LRRC58: variants seen among roughly 807,000 people sequenced by gnomAD.
The protein encoded by LRRC58 is leucine rich repeat containing 58.
LRRC58 carries 18 observed loss-of-function variants against 30.6 expected under a neutral mutation model. That is an observed-to-expected ratio of 0.59 (90% confidence interval 0.41 to 0.87). The LOEUF is 0.87. Ranked by LOEUF, LRRC58 falls within the 40% of genes least tolerant of loss-of-function variation. The pLI, the probability that LRRC58 is intolerant of heterozygous loss-of-function variation, is 0.00. For missense variants in LRRC58, 420 were observed against 468.4 expected (o/e 0.90, Z 0.95); for synonymous variants, 221 against 206.0 (o/e 1.07, Z -0.62).
At chr3:120,343,868 G>A in intron 1 of LRRC58, among the ~76,000 whole-genome samples, 1 of 151,734 alleles carries the variant, frequency 6.6e-6, no homozygotes, top group Admixed American at 6.6e-5. Flanking sequence ...CGTCTCTACT[G>A]AAAATAAAAT....
Position 120,330,062 on chromosome 3 carries a change from T to C in LRRC58, c.*1138A>G, listed in dbSNP as rs1242564330. 1 of 152,098 alleles carries C rather than the reference T, an allele frequency of 6.6e-6. No individual in the cohort carries two copies. The highest frequency in any genetic ancestry group is 1.5e-5 in the Non-Finnish European group (1 of 67,948). The allele number at this position is 152,098 out of a possible 1,614,324, so 9.4% of individuals were successfully genotyped here. On this transcript the variant is annotated 3_prime_UTR_variant, in exon 4 of 4. Coordinates refer to ENST00000295628, the MANE Select transcript of LRRC58 (RefSeq NM_001099678.2). ...ACTGTTCCATTAGGTATAAGGACAATGACTCCTTTTCTCCATTTTTATTTG... is the reference window on the plus strand; with the variant it reads ...ACTGTTCCATTAGGTATAAGGACAACGACTCCTTTTCTCCATTTTTATTTG...
Position 120,325,822 on chromosome 3 carries a change from A to G in LRRC58, c.*5378T>C, listed in dbSNP as rs1216314951. 8 of 152,232 alleles carry G rather than the reference A, an allele frequency of 5.3e-5. No homozygotes were observed. Among genetic ancestry groups the G allele is most frequent in the Admixed American group, 5.2e-4 (8 of 15,280 alleles). The allele number at this position is 152,232 out of a possible 1,614,324, so 9.4% of individuals were successfully genotyped here. ...GCACCAGATAAATTTTTTAAATAAT[A>G]TATAACAGAACATATCTTTTCAGTG... On this transcript the variant is annotated 3_prime_UTR_variant, in exon 4 of 4. Coordinates refer to ENST00000295628, the MANE Select transcript of LRRC58 (RefSeq NM_001099678.2).
intron 1 of LRRC58, among the ~76,000 whole-genome samples, chr3:120,337,542 T>A (rs1241640090): frequency 6.6e-6 from 1 of 152,196 alleles, no homozygotes; most frequent in Non-Finnish European, 1.5e-5. Flanking sequence ...ATAACTTTGT[T>A]CCTTTGTGGC....
At chr3:120,333,498 A>G (rs1157527513) in intron 3 of LRRC58, among the ~76,000 whole-genome samples, 2 of 152,164 alleles carry the variant, frequency 1.3e-5, no homozygotes, top group Non-Finnish European at 2.9e-5. Context: ...TCTTTTTTAA[A>G]CTCAAAGTGT....
intron 1 of LRRC58, among the ~76,000 whole-genome samples, chr3:120,346,125 C>T (rs1462912224): frequency 6.6e-6 from 1 of 152,100 alleles, no homozygotes; most frequent in African/African-American, 2.4e-5. Context: ...GGCGTGATGG[C>T]ACGCTCCTGT....
intron 1 of LRRC58, among the ~76,000 whole-genome samples, chr3:120,339,314 C>A (rs1935874163): frequency 6.6e-6 from 1 of 152,176 alleles, no homozygotes; most frequent in African/African-American, 2.4e-5. Flanking sequence ...ATATCATCTT[C>A]TAGAATTAGT....
Position 120,328,639 on chromosome 3 carries a change from C to T in LRRC58, c.*2561G>A, listed in dbSNP as rs562919096. 6.6e-6 allele frequency: 1 copy of T among 152,222 alleles called. No individual in the cohort carries two copies. Among genetic ancestry groups the T allele is most frequent in the Admixed American group, 6.5e-5 (1 of 15,286 alleles). The allele number at this position is 152,222 out of a possible 1,614,324, so 9.4% of individuals were successfully genotyped here. Reference sequence around the variant, plus strand: ...TTTAAATGCATAGTTAGCTACATGACTTGGGAGCTGATTATCTGGTTTCTA... The same window carrying T: ...TTTAAATGCATAGTTAGCTACATGATTTGGGAGCTGATTATCTGGTTTCTA... On this transcript the variant is annotated 3_prime_UTR_variant, in exon 4 of 4. Transcript: ENST00000295628.
intron 1 of LRRC58, among the ~76,000 whole-genome samples, chr3:120,340,626 C>G (rs1192920697): frequency 6.6e-6 from 1 of 152,122 alleles, no homozygotes; most frequent in Non-Finnish European, 1.5e-5. Flanking sequence ...CTAATCCCAG[C>G]ACTTTGGGAG....
In LRRC58 at chr3:120,349,351, A is replaced by C; in HGVS notation, c.-108T>G. The C allele has an allele frequency of 1.7e-6, 2 of 1,189,772 alleles. No individual in the cohort carries two copies. Among genetic ancestry groups the C allele is most frequent in the East Asian group, 3.2e-5 (1 of 31,210 alleles). The allele number at this position is 1,189,772 out of a possible 1,614,324, so 73.7% of individuals were successfully genotyped here. A position where few individuals can be genotyped will look rare whatever the true frequency, so the allele number is the denominator to read the frequency against. On this transcript the variant is annotated 5_prime_UTR_variant, in exon 1 of 4. Coordinates refer to ENST00000295628, the MANE Select transcript of LRRC58 (RefSeq NM_001099678.2). ...GAACCTGAACCGAGGGCTGAGTCGG[A>C]AGTGGCGCGGGCGGGCGCAAACCCT...
chr3:120,340,007 C>T (rs1285506779), intron 1 of LRRC58, among the ~76,000 whole-genome samples: 4 of 151,718 alleles, frequency 2.6e-5, no homozygotes, highest in Non-Finnish European at 5.9e-5. Flanking sequence ...ATTACAGGCG[C>T]CCGCCACCAC....
In LRRC58 at chr3:120,325,837, T is replaced by C. The variant is rs891665546; in HGVS notation, c.*5363A>G. 6.6e-6 allele frequency: 1 copy of C among 152,174 alleles called. No homozygotes were observed. Among genetic ancestry groups the C allele is most frequent in the African/African-American group, 2.4e-5 (1 of 41,452 alleles). 9.4% of individuals were successfully genotyped at this position (152,174 alleles called of 1,614,324 possible). ...TTTAAATAATATATAACAGAACATA[T>C]CTTTTCAGTGATTTTATTTCAGGGG... On this transcript the variant is annotated 3_prime_UTR_variant, in exon 4 of 4. Coordinates refer to ENST00000295628, the MANE Select transcript of LRRC58 (RefSeq NM_001099678.2).
Position 120,349,315 on chromosome 3 carries a change from G to A in LRRC58, c.-72C>T, listed in dbSNP as rs1936025217. The stretch of plus-strand genomic sequence containing the variant: ...GCGCGGTCCAGAGGCCGGGAGCTCT[G>A]CGGCGCCCCGGAACCTGAACCGAGG... On this transcript the variant is annotated 5_prime_UTR_variant, in exon 1 of 4. Transcript: ENST00000295628. 7.6e-7 allele frequency: 1 copy of A among 1,315,204 alleles called. No individual in the cohort carries two copies. 81.5% of individuals were successfully genotyped at this position (1,315,204 alleles called of 1,614,324 possible). A position where few individuals can be genotyped will look rare whatever the true frequency, so the allele number is the denominator to read the frequency against.
At position 120,327,026 on chromosome 3, in the gene LRRC58, C is replaced by G. The variant is rs1935684786; in HGVS notation, c.*4174G>C. ...AGAGCAAGGTTGGCTGTAAGAAGAT[C>G]GTATTACTTGCTGGCCCTTAATTAC... On this transcript the variant is annotated 3_prime_UTR_variant, in exon 4 of 4. Coordinates refer to ENST00000295628, the MANE Select transcript of LRRC58 (RefSeq NM_001099678.2). The G allele has an allele frequency of 6.6e-6, 1 of 152,160 alleles. No homozygotes were observed. The highest frequency in any genetic ancestry group is 6.5e-5 in the Admixed American group (1 of 15,270). 9.4% of individuals were successfully genotyped at this position (152,160 alleles called of 1,614,324 possible).
At chr3:120,342,612 G>A (rs549582234) in intron 1 of LRRC58, among the ~76,000 whole-genome samples, 2 of 152,138 alleles carry the variant, frequency 1.3e-5, no homozygotes, top group African/African-American at 2.4e-5. Context: ...ACACTTGAAG[G>A]GACCACCTGC....
At chr3:120,332,388 T>C (rs1442613236) in intron 3 of LRRC58, among the ~76,000 whole-genome samples, 1 of 152,224 alleles carries the variant, frequency 6.6e-6, no homozygotes, top group Admixed American at 6.5e-5. Flanking sequence ...ACTAACCATG[T>C]AGTTTTTTTT....
chr3:120,349,151 C>T lies in LRRC58; in HGVS notation c.93G>A (p.Glu31=). ...LSVSTETLES[E]LEARGEERRG... ...GCCGCTCCTCCCCCCGCGCCTCCAG[C>T]TCAGACTCCAGCGTCTCGGTGGACA... Residue 31 remains glutamate (E), a synonymous_variant, in exon 1 of 4, where the codon GAG becomes GAA. Coordinates refer to ENST00000295628, the MANE Select transcript of LRRC58 (RefSeq NM_001099678.2). The T allele has an allele frequency of 1.3e-6, 2 of 1,502,576 alleles. No homozygotes were observed. Among genetic ancestry groups the T allele is most frequent in the Non-Finnish European group, 8.8e-7 (1 of 1,134,346 alleles). The allele number at this position is 1,502,576 out of a possible 1,614,324, so 93.1% of individuals were successfully genotyped here.
Position 120,349,336 on chromosome 3 carries a change from C to G in LRRC58, c.-93G>C. ...CTCTGCGGCGCCCCGGAACCTGAAC[C>G]GAGGGCTGAGTCGGAAGTGGCGCGG... On this transcript the variant is annotated 5_prime_UTR_variant, in exon 1 of 4. Coordinates refer to ENST00000295628, the MANE Select transcript of LRRC58 (RefSeq NM_001099678.2). 1 of 1,262,176 alleles carries G rather than the reference C, an allele frequency of 7.9e-7. No homozygotes were observed. 78.2% of individuals were successfully genotyped at this position (1,262,176 alleles called of 1,614,324 possible). A position where few individuals can be genotyped will look rare whatever the true frequency, so the allele number is the denominator to read the frequency against.
intron 3 of LRRC58, among the ~76,000 whole-genome samples, chr3:120,334,311 T>C (rs893551368): frequency 2.5e-4 from 38 of 152,092 alleles, no homozygotes; most frequent in African/African-American, 8.2e-4. Context: ...AAGACCATCC[T>C]GGCTAACAAG....
At chr3:120,348,160 A>C (rs1277005330) in intron 1 of LRRC58, among the ~76,000 whole-genome samples, 1 of 152,210 alleles carries the variant, frequency 6.6e-6, no homozygotes, top group Non-Finnish European at 1.5e-5. Flanking sequence ...GAAACATTCC[A>C]AGCAAGGGAA....
Sources: gnomAD v4.1 joint callset for allele counts (sites outside exome capture counted in the v4.1 genomes callset) on GRCh38, gnomAD v4.1.1 for gene constraint, MANE v1.5 for transcripts, NCBI Gene and HGNC (gene_info 2026-07-23, HGNC 2026-07-21) for gene names.